CNTNAP2: variants seen among roughly 807,000 people sequenced by gnomAD.
CNTNAP2 encodes contactin-associated protein-like 2.
A neutral mutation model predicts 155.2 loss-of-function variants in CNTNAP2; 98 were observed. That is an observed-to-expected ratio of 0.63 (90% CI 0.54 to 0.75). CNTNAP2 has a LOEUF of 0.75. Ranked by LOEUF, CNTNAP2 falls within the 30% of genes least tolerant of loss-of-function variation. The pLI, the probability that CNTNAP2 is intolerant of heterozygous loss-of-function variation, is 0.00. For synonymous variants in CNTNAP2, 651 were observed against 631.2 expected (o/e 1.03, Z -0.47); for missense variants, 1,727 against 1,688.1 (o/e 1.02, Z -0.40).
At chr7:146,481,726 T>A (rs1455423714) in intron 1 of CNTNAP2, among the ~76,000 whole-genome samples, 1 of 152,210 alleles carries the variant, frequency 6.6e-6, no homozygotes, top group Non-Finnish European at 1.5e-5. Context: ...TACTGTATTA[T>A]CCCTTTAGTC....
At chr7:146,180,815 G>A (rs1798539121) in intron 1 of CNTNAP2, among the ~76,000 whole-genome samples, 1 of 152,142 alleles carries the variant, frequency 6.6e-6, no homozygotes, top group African/African-American at 2.4e-5. Flanking sequence ...AATGTTCAAA[G>A]AAGTTAATAT....
chr7:147,344,451 G>C (rs80312825), intron 9 of CNTNAP2, among the ~76,000 whole-genome samples: 2 of 152,046 alleles, frequency 1.3e-5, no homozygotes, highest in Admixed American at 6.6e-5. Context: ...AAACTCGAAA[G>C]ACAGATTTTA....
At chr7:148,017,805 T>C (rs866446908) in intron 15 of CNTNAP2, among the ~76,000 whole-genome samples, 1 of 152,260 alleles carries the variant, frequency 6.6e-6, no homozygotes, top group African/African-American at 2.4e-5. Context: ...TAATAGCCTT[T>C]TTAACCCTCT....
intron 18 of CNTNAP2, among the ~76,000 whole-genome samples, chr7:148,214,046 G>A (rs370971425): frequency 3.3e-5 from 5 of 152,202 alleles, no homozygotes; most frequent in Admixed American, 6.5e-5. Context: ...CCACCTACCT[G>A]TACTTGGCTA....
At position 147,903,567 on chromosome 7, in the gene CNTNAP2, G is replaced by T; in HGVS notation, c.2101G>T (p.Gly701Ter). The change falls in exon 14 of 24, where the codon GGA (glycine) becomes TGA (stop). Residue 701 changes from glycine (G) to a stop codon, truncating the protein, a stop_gained and splice_region_variant. Transcript: ENST00000361727. LOFTEE classifies it high-confidence loss of function. ...TATACCTTTGCCTTTTCTTGTAGAT[G>T]GAAGCCCTTACACTTGGTGGGTTGG... Reference protein sequence around the residue: ...KMSRLLNTPDGSPYTWWVGKA... With the variant: ...KMSRLLNTPD 6.2e-7 allele frequency: 1 copy of T among 1,614,164 alleles called. No individual in the cohort carries two copies. Among genetic ancestry groups the T allele is most frequent in the Non-Finnish European group, 8.5e-7 (1 of 1,180,030 alleles).
At chr7:146,554,957 G>A (rs568189906) in intron 1 of CNTNAP2, among the ~76,000 whole-genome samples, 10 of 152,190 alleles carry the variant, frequency 6.6e-5, no homozygotes, top group South Asian at 2.1e-4. Flanking sequence ...ATCTACTTAC[G>A]TATTATTTGT....
rs548152801 is a variant in CNTNAP2, at chr7:148,064,343, A to T, written c.2384-53775A>T. ...CAGTATGGTCATTTTGACAATATTT[A>T]TTCTACCTATCCACAAGGATGAGAT... On this transcript the variant is annotated intron_variant, in intron 15 of 23. Coordinates refer to ENST00000361727, the MANE Select transcript of CNTNAP2 (RefSeq NM_014141.6). 2.6e-5 allele frequency among the ~76,000 whole-genome samples: 4 copies of T among 152,148 alleles called. No individual in the cohort carries two copies. The East Asian group carries it at 7.7e-4, about 29-fold the overall frequency.
intron 3 of CNTNAP2, among the ~76,000 whole-genome samples, chr7:146,939,536 A>G (rs757238907): frequency 6.6e-6 from 1 of 152,186 alleles, no homozygotes; most frequent in South Asian, 2.1e-4. Context: ...AAGCACTGCA[A>G]TAGCTGTGGG....
intron 9 of CNTNAP2, among the ~76,000 whole-genome samples, chr7:147,342,450 C>T (rs570823591): frequency 2.5e-4 from 38 of 152,092 alleles, no homozygotes; most frequent in Non-Finnish European, 5.1e-4. Context: ...TTTTTATTTT[C>T]AAGGCAATTT....
chr7:147,533,959 A>G (rs1240654229), intron 11 of CNTNAP2, among the ~76,000 whole-genome samples: 1 of 152,236 alleles, frequency 6.6e-6, no homozygotes, highest in African/African-American at 2.4e-5. Flanking sequence ...AGAGACTGAG[A>G]GAGCTTAATA....
At chr7:146,860,691 A>AG (rs1300147456) in intron 3 of CNTNAP2, among the ~76,000 whole-genome samples, 1 of 152,190 alleles carries the variant, frequency 6.6e-6, no homozygotes, top group African/African-American at 2.4e-5. Context: ...ACCTAAAGAA[A>AG]GCATCTACAT....
intron 9 of CNTNAP2, among the ~76,000 whole-genome samples, chr7:147,365,041 T>C (rs1563176564): frequency 6.6e-6 from 1 of 152,062 alleles, no homozygotes; most frequent in African/African-American, 2.4e-5. Context: ...TGTAAGCTAG[T>C]GTGAATTTGG....
chr7:147,601,644 A>AATATATATATAT (rs1160603745), intron 12 of CNTNAP2, among the ~76,000 whole-genome samples: 3 of 87,462 alleles, frequency 3.4e-5, no homozygotes, highest in African/African-American at 1.3e-4. Context: ...CTTAAAAAAA[A>AATATATATATAT]ATATATATAT....
intron 1 of CNTNAP2, among the ~76,000 whole-genome samples, chr7:146,720,572 C>G (rs1339656737): frequency 2.6e-5 from 4 of 151,962 alleles, no homozygotes; most frequent in Non-Finnish European, 4.4e-5. Flanking sequence ...AGGATAACTG[C>G]AAATGTTGAA....
At chr7:147,318,745 T>C (rs1795284884) in intron 9 of CNTNAP2, among the ~76,000 whole-genome samples, 1 of 152,134 alleles carries the variant, frequency 6.6e-6, no homozygotes, top group Non-Finnish European at 1.5e-5. Flanking sequence ...GGCGGGTTGA[T>C]TGGTGCAGCA....
chr7:148,056,050 A>G (rs1292028998), intron 15 of CNTNAP2, among the ~76,000 whole-genome samples: 4 of 152,174 alleles, frequency 2.6e-5, no homozygotes, highest in Non-Finnish European at 5.9e-5. Flanking sequence ...ATTCACTCCA[A>G]CCTTCTCTCA....
intron 1 of CNTNAP2, among the ~76,000 whole-genome samples, chr7:146,752,424 A>G (rs1216774264): frequency 6.6e-6 from 1 of 152,040 alleles, no homozygotes; most frequent in Admixed American, 6.6e-5. Context: ...TAAATGTCTT[A>G]TTTTGAGAAG....
At chr7:146,315,174 G>C (rs1356700520) in intron 1 of CNTNAP2, among the ~76,000 whole-genome samples, 1 of 152,174 alleles carries the variant, frequency 6.6e-6, no homozygotes, top group Non-Finnish European at 1.5e-5. Context: ...CTCTCCAGGG[G>C]AAGGGTGGAA....
At chr7:146,644,270 A>G (rs1236881287) in intron 1 of CNTNAP2, among the ~76,000 whole-genome samples, 2 of 152,168 alleles carry the variant, frequency 1.3e-5, no homozygotes, top group Non-Finnish European at 2.9e-5. Flanking sequence ...TTGCCCATTC[A>G]GTATGATATT....
Sources: allele counts gnomAD v4.1 joint callset (sites outside exome capture counted in the v4.1 genomes callset), GRCh38; gene constraint gnomAD v4.1.1; transcripts MANE v1.5; gene names NCBI Gene and HGNC (gene_info 2026-07-23, HGNC 2026-07-21).